The following ITGA4 variants were observed in gnomAD, a reference collection of about 807,000 sequenced individuals.
ITGA4 encodes the protein integrin subunit alpha 4, also known as integrin alpha-4.
A neutral mutation model predicts 133.6 loss-of-function variants in ITGA4; 63 were observed. The observed-to-expected ratio is 0.47, with a 90% CI of 0.38 to 0.58. The LOEUF (loss-of-function observed/expected upper bound fraction) is 0.58, where lower values mean the gene tolerates loss of function less well. ITGA4 is among the 20% of genes least tolerant of loss of function. The probability of loss-of-function intolerance (pLI) is 0.00; values close to 1 mark genes in which losing one functional copy is unlikely to be tolerated. For synonymous variants in ITGA4, 483 were observed against 438.0 expected, an observed-to-expected ratio of 1.10 and a Z score of -1.28; for missense variants, 1,076 against 1,252.7, an observed-to-expected ratio of 0.86 and a Z score of 2.13.
chr2:181,536,755 T>TA lies in ITGA4; in HGVS notation c.*1228_*1229insA. ...AAATGACTTTCTGGATTTTAAAAAA[T>TA]TTCTTTAAATACAATCATTTTTGTA... On this transcript the variant is annotated 3_prime_UTR_variant, in exon 28 of 28. Coordinates refer to ENST00000397033, the MANE Select transcript of ITGA4 (RefSeq NM_000885.6). The TA allele has an allele frequency of 4.0e-6, 1 of 246,982 alleles. No individual in the cohort carries two copies. The highest frequency in any genetic ancestry group is 8.2e-6 in the Non-Finnish European group (1 of 122,658). 15.3% of individuals were successfully genotyped at this position (246,982 alleles called of 1,614,324 possible).
At chr2:181,503,829 T>A (rs2105751564) in intron 15 of ITGA4, among the ~76,000 whole-genome samples, 1 of 142,948 alleles carries the variant, frequency 7.0e-6, no homozygotes, top group South Asian at 2.2e-4. Flanking sequence ...TATATGAAAA[T>A]CTTTGTTTTT....
At chr2:181,507,590 A>G (rs1191696124) in intron 15 of ITGA4, among the ~76,000 whole-genome samples, 1 of 152,114 alleles carries the variant, frequency 6.6e-6, no homozygotes, top group Non-Finnish European at 1.5e-5. Flanking sequence ...ACTTGGATAC[A>G]AAAATCCAAG....
chr2:181,498,658 A>G lies in ITGA4; in HGVS notation c.1576A>G (p.Lys526Glu), dbSNP rs897756643. ...TAACATGAGTTTGGATGTGAACAGA[A>G]AGGCAGAGTCTCCACCAAGATTCTA... is the stretch of plus-strand genomic sequence containing the variant. Reference protein sequence around the residue: ...FYNMSLDVNRKAESPPRFYFS... With the variant: ...FYNMSLDVNREAESPPRFYFS... Residue 526 changes from lysine (K) to glutamate (E), a missense_variant, in exon 15 of 28, where the codon AAG becomes GAG. This residue lies in a region of ITGA4 where 436 missense variants were observed against 590.7 expected (regional missense o/e 0.74). Transcript: ENST00000397033. The G allele has an allele frequency of 6.2e-7, 1 of 1,611,586 alleles. No homozygotes were observed. Among genetic ancestry groups the G allele is most frequent in the African/African-American group, 1.3e-5 (1 of 74,810 alleles).
intron 2 of ITGA4, among the ~76,000 whole-genome samples, chr2:181,467,103 GACTCTTTATAAA>G (rs917466782): frequency 1.1e-4 from 16 of 152,146 alleles, no homozygotes; most frequent in African/African-American, 3.9e-4. Context: ...TTGAATGAAT[GACTCTTTATAAA>G]ATATGGAATT....
intron 2 of ITGA4, among the ~76,000 whole-genome samples, chr2:181,469,783 G>A (rs1314140441): frequency 1.3e-5 from 2 of 152,104 alleles, no homozygotes; most frequent in Non-Finnish European, 2.9e-5. Flanking sequence ...GATGAAATTG[G>A]AAATCATCAT....
At position 181,536,978 on chromosome 2, in the gene ITGA4, A is replaced by C. The variant is rs1176412295; in HGVS notation, c.*1451A>C. ...CACTAGCCAGCCATCCTAATTGATG[A>C]AAGTTATCTGTTCACAGGCCTGCAG... On this transcript the variant is annotated 3_prime_UTR_variant, in exon 28 of 28. Coordinates refer to ENST00000397033, the MANE Select transcript of ITGA4 (RefSeq NM_000885.6). The C allele has an allele frequency of 2.2e-6, 1 of 452,342 alleles. No homozygotes were observed. Among genetic ancestry groups the C allele is most frequent in the East Asian group, 6.9e-5 (1 of 14,392 alleles). 28.0% of individuals were successfully genotyped at this position (452,342 alleles called of 1,614,324 possible). A position where few individuals can be genotyped will look rare whatever the true frequency, so the allele number is the denominator to read the frequency against.
chr2:181,487,098 T>C lies in ITGA4; in HGVS notation c.1153+1106T>C, dbSNP rs1161374938. 3.3e-5 allele frequency among the ~76,000 whole-genome samples: 5 copies of C among 152,324 alleles called. No individual in the cohort carries two copies. The South Asian group carries it at 8.3e-4, about 25-fold the overall frequency. ...AAGTATTACTGTTCTGGATTTTTTG[T>C]TTACTATTTTAAAACTGAAAGAAAA... On this transcript the variant is annotated intron_variant, in intron 10 of 27. Coordinates refer to ENST00000397033, the MANE Select transcript of ITGA4 (RefSeq NM_000885.6).
intron 25 of ITGA4, among the ~76,000 whole-genome samples, chr2:181,532,897 T>C (rs964544170): frequency 3.9e-5 from 6 of 152,172 alleles, no homozygotes; most frequent in African/African-American, 1.4e-4. Flanking sequence ...ATAGCTCTTA[T>C]TGAGATATGT....
chr2:181,466,215 T>C (rs1685408678), intron 2 of ITGA4, among the ~76,000 whole-genome samples: 1 of 152,054 alleles, frequency 6.6e-6, no homozygotes. Flanking sequence ...CCCAGATTTA[T>C]AAAATTGCAA....
chr2:181,472,516 A>G (rs563484350), intron 2 of ITGA4, among the ~76,000 whole-genome samples: 11 of 152,338 alleles, frequency 7.2e-5, no homozygotes, highest in African/African-American at 2.2e-4. Flanking sequence ...CTATAAATTC[A>G]TAAAAATTTT....
intron 2 of ITGA4, among the ~76,000 whole-genome samples, chr2:181,461,743 G>A (rs966463988): frequency 2.6e-5 from 4 of 152,122 alleles, no homozygotes; most frequent in Non-Finnish European, 5.9e-5. Context: ...ACCACTGAAA[G>A]CATTATACAC....
chr2:181,463,892 C>T (rs966819638), intron 2 of ITGA4, among the ~76,000 whole-genome samples: 5 of 151,960 alleles, frequency 3.3e-5, no homozygotes, highest in African/African-American at 7.3e-5. Context: ...TCCTACAGTT[C>T]GAGAAGTGAT....
At chr2:181,475,903 C>T (rs2105727407) in intron 4 of ITGA4, 1 of 1,546,898 alleles carries the variant, frequency 6.5e-7, no homozygotes, top group African/African-American at 1.4e-5. Context: ...CAGAGGATAT[C>T]TGCAGCAAAA....
intron 2 of ITGA4, among the ~76,000 whole-genome samples, chr2:181,470,067 T>TAA (rs201661642): frequency 6.8e-6 from 1 of 146,084 alleles, no homozygotes; most frequent in Non-Finnish European, 1.5e-5. Flanking sequence ...AGTATAATAA[T>TAA]AAAAAAAAAA....
At chr2:181,524,349 G>T in intron 20 of ITGA4, 99 bp downstream of exon 20, 1 of 655,150 alleles carries the variant, frequency 1.5e-6, no homozygotes, top group South Asian at 2.4e-5. Context: ...TTAATTGTAA[G>T]AGAAAACTTC....
intron 14 of ITGA4, among the ~76,000 whole-genome samples, chr2:181,496,168 A>C (rs1190297694): frequency 6.6e-6 from 1 of 152,206 alleles, no homozygotes; most frequent in African/African-American, 2.4e-5. Flanking sequence ...TGAGAAGCAA[A>C]GGACATAGTA....
intron 22 of ITGA4, among the ~76,000 whole-genome samples, chr2:181,528,899 AT>A (rs1326774183): frequency 6.6e-6 from 1 of 152,106 alleles, no homozygotes; most frequent in Non-Finnish European, 1.5e-5. Context: ...CCTCTTATGC[AT>A]TTTTTGACAA....
chr2:181,476,825 T>C (rs1009499286), intron 4 of ITGA4, among the ~76,000 whole-genome samples: 1 of 152,136 alleles, frequency 6.6e-6, no homozygotes, highest in African/African-American at 2.4e-5. Context: ...CAGCAACTTA[T>C]ATGGAGCTGG....
At position 181,493,374 on chromosome 2, in the gene ITGA4, T is replaced by C. The variant is rs1360331548; in HGVS notation, c.1203T>C (p.Tyr401=). The change falls in exon 11 of 28, where the codon TAT becomes TAC. Residue 401 remains tyrosine (Y), a synonymous_variant. Coordinates refer to ENST00000397033, the MANE Select transcript of ITGA4 (RefSeq NM_000885.6). The part of the protein sequence containing the change: ...PQEDDLQGAI[Y]IYNGRADGIS... Reference sequence around the variant, plus strand: ...AAGATGACTTGCAAGGTGCTATTTATATTTACAATGGCCGTGCAGATGGGA... The same window carrying C: ...AAGATGACTTGCAAGGTGCTATTTACATTTACAATGGCCGTGCAGATGGGA... 6.2e-7 allele frequency: 1 copy of C among 1,613,092 alleles called. No individual in the cohort carries two copies. The highest frequency in any genetic ancestry group is 8.5e-7 in the Non-Finnish European group (1 of 1,179,182).
Sources: allele counts gnomAD v4.1 joint callset (sites outside exome capture counted in the v4.1 genomes callset), GRCh38; gene constraint gnomAD v4.1.1; regional missense constraint gnomAD v4.1.1; transcripts MANE v1.5; gene names NCBI Gene and HGNC (gene_info 2026-07-23, HGNC 2026-07-21).